Variants in INSL6 observed in about 807,000 individuals in gnomAD.
INSL6 encodes the protein insulin like 6.
Under a neutral mutation model 9.4 loss-of-function variants are expected in INSL6, and 16 were observed. The observed-to-expected ratio is 1.70, with a 90% CI of 1.15 to 2.59. INSL6 has a LOEUF of 2.59. Among genes scored for constraint, INSL6 ranks in the 30% most tolerant of loss-of-function variants. The probability of loss-of-function intolerance (pLI) is 0.00; values close to 1 mark genes in which losing one functional copy is unlikely to be tolerated. For missense variants in INSL6, 391 were observed against 257.3 expected, an observed-to-expected ratio of 1.52 and a Z score of -3.56; for synonymous variants, 154 against 96.9, an observed-to-expected ratio of 1.59 and a Z score of -3.46.
intron 1 of INSL6, among the ~76,000 whole-genome samples, chr9:5,182,556 AAC>A (rs1396512165): frequency 6.6e-6 from 1 of 152,150 alleles, no homozygotes; most frequent in Non-Finnish European, 1.5e-5. Context: ...AAGAGTGCCT[AAC>A]ACATGATAGG....
intron 2 of INSL6, among the ~76,000 whole-genome samples, chr9:5,145,201 T>G (rs1434935023): frequency 1.3e-5 from 2 of 152,048 alleles, no homozygotes; most frequent in Non-Finnish European, 2.9e-5. Context: ...GAAAAGGGTC[T>G]TATTTCTCGT....
intron 2 of INSL6, among the ~76,000 whole-genome samples, chr9:5,147,849 T>C (rs968324924): frequency 6.6e-6 from 1 of 152,222 alleles, no homozygotes; most frequent in African/African-American, 2.4e-5. Context: ...ATACTTCTGA[T>C]TGTATTATGA....
intron 2 of INSL6, among the ~76,000 whole-genome samples, chr9:5,146,382 C>A (rs1232691768): frequency 6.6e-6 from 1 of 152,184 alleles, no homozygotes; most frequent in Non-Finnish European, 1.5e-5. Flanking sequence ...TGCCTCCCTG[C>A]AGGCATTCAC....
At chr9:5,050,868 A>G in the INSL6 span, 2 of 1,539,568 alleles carry the variant, frequency 1.3e-6, no homozygotes, top group South Asian at 1.1e-5. Flanking sequence ...CATAAGTGTG[A>G]GTAGAGATTT....
chr9:5,077,036 T>C, the INSL6 span, among the ~76,000 whole-genome samples: 79 of 152,114 alleles, frequency 5.2e-4, 1 homozygote, highest in Middle Eastern at 0.02. Flanking sequence ...AAATTCTCCT[T>C]TATGTCTATA....
chr9:5,149,114 T>C (rs1187904449), intron 2 of INSL6, among the ~76,000 whole-genome samples: 3 of 152,182 alleles, frequency 2.0e-5, no homozygotes, highest in Non-Finnish European at 2.9e-5. Context: ...CTCTGTCGAA[T>C]CTCTGGGGAG....
At chr9:5,074,889 G>T in the INSL6 span, among the ~76,000 whole-genome samples, 2 of 152,164 alleles carry the variant, frequency 1.3e-5, no homozygotes, top group Non-Finnish European at 2.9e-5. Context: ...TAGGCCTCTT[G>T]CACTAAAAAG....
the INSL6 span, among the ~76,000 whole-genome samples, chr9:5,008,137 T>A: frequency 6.6e-6 from 1 of 152,214 alleles, no homozygotes; most frequent in African/African-American, 2.4e-5. Flanking sequence ...TGCTATTTGT[T>A]CAGTACTTTT....
the INSL6 span, chr9:5,041,411 C>T: frequency 7.9e-6 from 5 of 630,364 alleles, no homozygotes; most frequent in South Asian, 3.2e-5. Context: ...CCTGGAGGTG[C>T]TGGGCCACAT....
At chr9:5,062,131 AT>A in the INSL6 span, among the ~76,000 whole-genome samples, 1 of 151,784 alleles carries the variant, frequency 6.6e-6, no homozygotes, top group Admixed American at 6.6e-5. Flanking sequence ...CTTATATGCA[AT>A]TTTTTTTCAG....
chr9:5,071,732 C>A, the INSL6 span, among the ~76,000 whole-genome samples: 2 of 152,102 alleles, frequency 1.3e-5, no homozygotes, highest in Non-Finnish European at 2.9e-5. Context: ...TAGAATTAGC[C>A]AGAATGGTAA....
At chr9:4,995,290 G>A in the INSL6 span, among the ~76,000 whole-genome samples, 2 of 152,198 alleles carry the variant, frequency 1.3e-5, no homozygotes, top group Admixed American at 6.5e-5. Flanking sequence ...TGCGAAATGA[G>A]TTGTTTTCCC....
chr9:5,005,227 G>C, the INSL6 span, among the ~76,000 whole-genome samples: 1 of 150,380 alleles, frequency 6.6e-6, no homozygotes, highest in East Asian at 2.0e-4. Context: ...TGGGATTACA[G>C]GGTTGAGCCA....
chr9:5,126,486 CT>C, intron 3 of INSL6: 1 of 1,374,350 alleles, frequency 7.3e-7, no homozygotes, highest in Non-Finnish European at 1.0e-6. Flanking sequence ...CATGCATTTT[CT>C]TTTACTTTTT....
At chr9:5,145,896 G>T (rs1297329825) in intron 2 of INSL6, among the ~76,000 whole-genome samples, 1 of 152,088 alleles carries the variant, frequency 6.6e-6, no homozygotes, top group Non-Finnish European at 1.5e-5. Flanking sequence ...ATATACTCCT[G>T]TGGCTCAGTG....
At chr9:5,021,336 C>G in the INSL6 span, among the ~76,000 whole-genome samples, 16 of 152,182 alleles carry the variant, frequency 1.1e-4, no homozygotes, top group African/African-American at 3.9e-4. Flanking sequence ...TTCTGGACCC[C>G]TCTTCCCCCA....
At chr9:5,041,361 T>A in the INSL6 span, 1 of 630,360 alleles carries the variant, frequency 1.6e-6, no homozygotes, top group Non-Finnish European at 2.9e-6. Flanking sequence ...TACATGAGCA[T>A]CAACATGCAC....
the INSL6 span, among the ~76,000 whole-genome samples, chr9:5,083,067 G>C: frequency 2.0e-5 from 3 of 152,174 alleles, no homozygotes; most frequent in African/African-American, 4.8e-5. Context: ...AGATGAATTA[G>C]GCAGTATTAT....
At chr9:5,120,986 T>C (rs1437348822), downstream of INSL6, among the ~76,000 whole-genome samples, 2 of 152,192 alleles carry the variant, frequency 1.3e-5, no homozygotes, top group African/African-American at 4.8e-5. Flanking sequence ...AAGATATGGT[T>C]ATAAATTTGG....
Sources: allele counts gnomAD v4.1 joint callset (sites outside exome capture counted in the v4.1 genomes callset), GRCh38; gene constraint gnomAD v4.1.1; transcripts MANE v1.5; gene names NCBI Gene and HGNC (gene_info 2026-07-23, HGNC 2026-07-21).